Variants in DLC1 observed in about 807,000 individuals in gnomAD.
The protein encoded by DLC1 is rho GTPase-activating protein 7.
A neutral mutation model predicts 140.3 loss-of-function variants in DLC1; 54 were observed. The observed-to-expected ratio is 0.38, with a 90% confidence interval of 0.31 to 0.48. The LOEUF (loss-of-function observed/expected upper bound fraction) is 0.48. DLC1 is among the 20% of genes least tolerant of loss of function. The pLI is 0.96. For missense variants in DLC1, 2,536 were observed against 1,907.0 expected, an observed-to-expected ratio of 1.33 and a Z score of -6.14; for synonymous variants, 986 against 728.1, an observed-to-expected ratio of 1.35 and a Z score of -5.70.
intron 5 of DLC1, among the ~76,000 whole-genome samples, chr8:13,157,092 G>C (rs1824311016): frequency 6.6e-6 from 1 of 152,168 alleles, no homozygotes; most frequent in Non-Finnish European, 1.5e-5. Flanking sequence ...TGCGTGTCAC[G>C]CTGACCCTGC....
chr8:13,481,386 C>T (rs1178509210), intron 2 of DLC1, among the ~76,000 whole-genome samples: 1 of 152,146 alleles, frequency 6.6e-6, no homozygotes, highest in Non-Finnish European at 1.5e-5. Flanking sequence ...ATGATTGTGC[C>T]AGTCACTGCA....
intron 1 of DLC1, among the ~76,000 whole-genome samples, chr8:13,586,674 G>A (rs1805329923): frequency 1.3e-5 from 2 of 148,568 alleles, no homozygotes; most frequent in African/African-American, 5.0e-5. Context: ...GAGACCCAAC[G>A]GTACCCTTCT....
At chr8:13,493,314 C>A (rs1164746076) in intron 2 of DLC1, among the ~76,000 whole-genome samples, 2 of 152,200 alleles carry the variant, frequency 1.3e-5, no homozygotes, top group Admixed American at 1.3e-4. Context: ...CCTTCATTGT[C>A]CTTGCTTTCA....
At chr8:13,222,631 T>C (rs910004118) in intron 5 of DLC1, among the ~76,000 whole-genome samples, 33 of 152,280 alleles carry the variant, frequency 2.2e-4, no homozygotes, top group African/African-American at 7.9e-4. Context: ...TTGCTATAGC[T>C]TCTGCTGCTT....
intron 5 of DLC1, among the ~76,000 whole-genome samples, chr8:13,238,212 A>C (rs946218188): frequency 7.9e-5 from 12 of 152,184 alleles, no homozygotes; most frequent in African/African-American, 2.7e-4. Context: ...GAAATTTAAA[A>C]TATAAATCTC....
At chr8:13,498,940 G>T in intron 2 of DLC1, 109 bp downstream of exon 2, 1 of 1,317,596 alleles carries the variant, frequency 7.6e-7, no homozygotes. Context: ...TGCATAACAG[G>T]GCAAAAGAAC....
intron 1 of DLC1, among the ~76,000 whole-genome samples, chr8:13,581,921 G>C (rs7017946): frequency 6.6e-6 from 1 of 151,870 alleles, no homozygotes; most frequent in Non-Finnish European, 1.5e-5. Flanking sequence ...AGGCAGCTAG[G>C]AAAAAAAATT....
At chr8:13,332,219 C>T (rs896113099) in intron 4 of DLC1, among the ~76,000 whole-genome samples, 2 of 152,150 alleles carry the variant, frequency 1.3e-5, no homozygotes, top group African/African-American at 4.8e-5. Flanking sequence ...GCATATTTTC[C>T]TGCCTTAGCG....
At chr8:13,293,754 T>C (rs1162016815) in intron 5 of DLC1, among the ~76,000 whole-genome samples, 1 of 152,134 alleles carries the variant, frequency 6.6e-6, no homozygotes, top group African/African-American at 2.4e-5. Flanking sequence ...GGAAGACCAC[T>C]TCAAATGTGG....
chr8:13,318,835 G>T (rs903536668), intron 4 of DLC1, among the ~76,000 whole-genome samples: 1 of 152,148 alleles, frequency 6.6e-6, no homozygotes, highest in Non-Finnish European at 1.5e-5. Flanking sequence ...GAATACCTTT[G>T]CTAGCTAAGA....
intron 5 of DLC1, among the ~76,000 whole-genome samples, chr8:13,118,048 C>A: frequency 7.5e-6 from 1 of 133,910 alleles, no homozygotes; most frequent in African/African-American, 3.1e-5. Flanking sequence ...CTTGCTCAGT[C>A]ACCTAGGCTA....
At position 13,428,142 on chromosome 8, in the gene DLC1, C is replaced by T. The variant is rs540298786; in HGVS notation, c.1024-26523G>A. The stretch of plus-strand genomic sequence containing the variant: ...GGCTTTTGTATGGGCGTGTGTTGTA[C>T]TAGTGTAAAAAGATAAGGTGGCAAA... On this transcript the variant is annotated intron_variant, in intron 2 of 17. Coordinates refer to ENST00000276297, the MANE Select transcript of DLC1 (RefSeq NM_182643.3). 4.6e-5 allele frequency among the ~76,000 whole-genome samples: 7 copies of T among 152,142 alleles called. No individual in the cohort carries two copies. In the East Asian group the frequency reaches 1.2e-3, roughly 25 times the overall value.
At chr8:13,327,352 C>G (rs143546581) in intron 4 of DLC1, among the ~76,000 whole-genome samples, 87 of 152,184 alleles carry the variant, frequency 5.7e-4, no homozygotes, top group African/African-American at 1.9e-3. Context: ...AAGACTATTT[C>G]TAGAATTCAG....
At chr8:13,554,690 C>A (rs956840907) in intron 1 of DLC1, among the ~76,000 whole-genome samples, 2 of 152,142 alleles carry the variant, frequency 1.3e-5, no homozygotes, top group East Asian at 3.9e-4. Context: ...TTCTTACCAC[C>A]TCTACTGCTA....
chr8:13,538,205 T>C (rs1445759010), intron 1 of DLC1, among the ~76,000 whole-genome samples: 2 of 152,154 alleles, frequency 1.3e-5, no homozygotes, highest in Non-Finnish European at 2.9e-5. Context: ...GACGACCACC[T>C]GAGCTTTCAT....
chr8:13,465,707 T>C (rs146728497), intron 2 of DLC1, among the ~76,000 whole-genome samples: 1 of 152,354 alleles, frequency 6.6e-6, no homozygotes, highest in African/African-American at 2.4e-5. Flanking sequence ...ATACTGTGTT[T>C]CTCTAAATAG....
rs1472771996 is a variant in DLC1 at position 13,098,573 on chromosome 8, T to G, written c.2993A>C (p.His998Pro). 1.2e-6 allele frequency: 2 copies of G among 1,613,334 alleles called. No individual in the cohort carries two copies. The highest frequency in any genetic ancestry group is 1.7e-6 in the Non-Finnish European group (2 of 1,179,642). ...CTGGAAACTGTGCCATCTCAGTCGG[T>G]GCCTGCGAGAGAAGAGGAGAGGAAA... ...VGASLTRSNR[H>P]RLRWHSFQSS... is the part of the protein sequence containing the mutation. Residue 998 changes from histidine to proline, a missense_variant and splice_region_variant, in exon 10 of 18, where the codon CAC becomes CCC. His to Pro is a moderately conservative substitution (Grantham distance 77, BLOSUM62 -2). Coordinates refer to ENST00000276297, the MANE Select transcript of DLC1 (RefSeq NM_182643.3).
intron 5 of DLC1, among the ~76,000 whole-genome samples, chr8:13,272,041 T>G (rs1311888328): frequency 6.6e-6 from 1 of 152,220 alleles, no homozygotes; most frequent in East Asian, 1.9e-4. Flanking sequence ...GCATTTAGAC[T>G]TTTTCCCTTA....
At chr8:13,439,255 C>T (rs1839254116) in intron 2 of DLC1, among the ~76,000 whole-genome samples, 2 of 152,166 alleles carry the variant, frequency 1.3e-5, no homozygotes, top group South Asian at 2.1e-4. Flanking sequence ...ACCCGGGAGG[C>T]AGAGGTTGCA....
Sources: allele counts gnomAD v4.1 joint callset (sites outside exome capture counted in the v4.1 genomes callset), GRCh38; gene constraint gnomAD v4.1.1; transcripts MANE v1.5; gene names NCBI Gene and HGNC (gene_info 2026-07-23, HGNC 2026-07-21).